The following SETD5 variants were observed in gnomAD, a reference collection of about 807,000 sequenced individuals.
The protein encoded by SETD5 is SET domain containing 5, also known as histone-lysine N-methyltransferase SETD5.
In SETD5, 44 loss-of-function variants were observed where a neutral mutation model predicts 153.3. The ratio of observed to expected loss-of-function variants is 0.29; its 90% CI spans 0.23 to 0.37. The LOEUF (loss-of-function observed/expected upper bound fraction) is 0.37, where lower values mean the gene tolerates loss of function less well. Ranked by LOEUF, SETD5 falls within the 10% of genes least tolerant of loss-of-function variation. The pLI is 1.00. For synonymous variants in SETD5, 716 were observed against 645.2 expected (o/e 1.11, Z -1.66); for missense variants, 1,544 against 1,768.0 (o/e 0.87, Z 2.27).
At chr3:9,433,537 T>G (rs2040207459) in intron 3 of SETD5, 1 of 1,294,158 alleles carries the variant, frequency 7.7e-7, no homozygotes. Context: ...GAGTGGCTTC[T>G]CTAGGGGAAA....
rs774053994 is a variant in SETD5 at position 9,476,017 on chromosome 3, A to G, written c.4255A>G (p.Ser1419Gly). Reference protein sequence around the residue: ...SNSQHYPHRGSGGVHQYRLQP... With the variant: ...SNSQHYPHRGGGGVHQYRLQP... Reference sequence around the variant, plus strand: ...TTCACAGCACTACCCACACCGTGGGAGTGGGGGTGTGCACCAGTACCGACT... The same window carrying G: ...TTCACAGCACTACCCACACCGTGGGGGTGGGGGTGTGCACCAGTACCGACT... Residue 1419 changes from serine to glycine, a missense_variant, in exon 23 of 23, where the codon AGT becomes GGT. Transcript: ENST00000402198. 4 of 1,613,718 alleles carry G rather than the reference A, an allele frequency of 2.5e-6. No individual in the cohort carries two copies. Among genetic ancestry groups the G allele is most frequent in the African/African-American group, 1.3e-5 (1 of 74,876 alleles).
At position 9,445,319 on chromosome 3, in the gene SETD5, A is replaced by C. The variant is rs779953800; in HGVS notation, c.1440+19A>C. On this transcript the variant is annotated intron_variant, in intron 12 of 22. Coordinates refer to ENST00000402198, the MANE Select transcript of SETD5 (RefSeq NM_001080517.3). ...TCATGAGGTAATCGCCCCTGGTCAA[A>C]TGATGATGCTATGGCATCAATCCTC... 3.1e-6 allele frequency: 5 copies of C among 1,593,504 alleles called. No individual in the cohort carries two copies. In the East Asian group the frequency reaches 1.1e-4, roughly 36 times the overall value.
At chr3:9,407,761 G>C (rs1310449122) in intron 1 of SETD5, among the ~76,000 whole-genome samples, 1 of 152,152 alleles carries the variant, frequency 6.6e-6, no homozygotes, top group Non-Finnish European at 1.5e-5. Context: ...AACACTTTGG[G>C]ATGCCAAGGT....
intron 17 of SETD5, among the ~76,000 whole-genome samples, chr3:9,457,027 AAAG>A (rs1278488340): frequency 6.6e-6 from 1 of 150,642 alleles, no homozygotes; most frequent in African/African-American, 2.5e-5. Flanking sequence ...AGAGAAAAGA[AAAG>A]AAGAAAGAAA....
Position 9,422,961 on chromosome 3 carries a change from T to C in SETD5, c.-176-1506T>C, listed in dbSNP as rs905042705. Among the ~76,000 whole-genome samples the C allele has an allele frequency of 3.9e-5, 6 of 152,244 alleles. No homozygotes were observed. In the East Asian group the frequency reaches 5.8e-4, roughly 15 times the overall value. ...TTCTCTTTCTGAAGCGGCACTCCTC[T>C]TCCTGCCAGTCCTCTTCACAGGATT... On this transcript the variant is annotated intron_variant, in intron 1 of 22. Transcript: ENST00000402198.
rs193276870 is a variant in SETD5, at chr3:9,404,067, A to G, written c.-177+6090A>G. Among the ~76,000 whole-genome samples, 96 of 152,326 alleles carry G rather than the reference A, an allele frequency of 6.3e-4. 1 individual carries two copies. Among genetic ancestry groups the G allele is most frequent in the African/African-American group, 2.1e-3 (89 of 41,568 alleles). On this transcript the variant is annotated intron_variant, in intron 1 of 22. Transcript: ENST00000402198. Reference sequence around the variant, plus strand: ...TAAAAGACTTTAATTTTTAGAAATAATTGGTTTGAACAGTTTTCCAAGAGC... The same window carrying G: ...TAAAAGACTTTAATTTTTAGAAATAGTTGGTTTGAACAGTTTTCCAAGAGC...
At chr3:9,439,758 A>G (rs2041042871) in intron 7 of SETD5, among the ~76,000 whole-genome samples, 2 of 152,166 alleles carry the variant, frequency 1.3e-5, no homozygotes, top group Admixed American at 6.5e-5. Context: ...GACATTTTCT[A>G]TATTCTCCCT....
Position 9,442,255 on chromosome 3 carries a change from C to T in SETD5, c.1077+10C>T, listed in dbSNP as rs756999400. 8.1e-5 allele frequency: 126 copies of T among 1,559,506 alleles called. No homozygotes were observed. The highest frequency in any genetic ancestry group is 1.0e-4 in the Non-Finnish European group (116 of 1,133,830). ...TACACCAAATGCAGAGGTAAGATAT[C>T]TGTAGCAACTTCCCTTTGACTGGAA... is the stretch of plus-strand genomic sequence containing the variant. On this transcript the variant is annotated intron_variant, in intron 10 of 22. Coordinates refer to ENST00000402198, the MANE Select transcript of SETD5 (RefSeq NM_001080517.3).
At chr3:9,428,753 A>C (rs2039619169) in intron 2 of SETD5, 70 bp from the exon 3 acceptor site, 2 of 421,002 alleles carry the variant, frequency 4.8e-6, no homozygotes, top group Non-Finnish European at 8.6e-6. Flanking sequence ...AGTAACATTT[A>C]AGATAAACTT....
chr3:9,454,600 C>T (rs1254474025), intron 17 of SETD5, among the ~76,000 whole-genome samples: 6 of 96,770 alleles, frequency 6.2e-5, no homozygotes, highest in Admixed American at 3.3e-4. Flanking sequence ...CCAGCCTGGG[C>T]GACAAGAATG....
intron 1 of SETD5, among the ~76,000 whole-genome samples, chr3:9,423,701 A>G (rs1274173410): frequency 1.3e-5 from 2 of 152,218 alleles, no homozygotes; most frequent in Non-Finnish European, 2.9e-5. Flanking sequence ...ATCAACATAA[A>G]TGAAATGCAT....
intron 18 of SETD5, among the ~76,000 whole-genome samples, chr3:9,468,800 GTGTGTGTGTGT>G (rs1200910397): frequency 6.6e-6 from 1 of 152,010 alleles, no homozygotes; most frequent in African/African-American, 2.4e-5. Flanking sequence ...GTGTGTTTGT[GTGTGTGTGTGT>G]TGTGTGTGTG....
intron 11 of SETD5, among the ~76,000 whole-genome samples, chr3:9,444,061 A>T (rs2041639087): frequency 6.6e-6 from 1 of 151,428 alleles, no homozygotes; most frequent in Admixed American, 6.6e-5. Flanking sequence ...ACTCTGTCTT[A>T]AAAAAAAAGA....
chr3:9,461,331 A>G (rs2043931711), intron 17 of SETD5, among the ~76,000 whole-genome samples: 2 of 152,212 alleles, frequency 1.3e-5, no homozygotes, highest in Admixed American at 6.5e-5. Flanking sequence ...ATTCATTGTC[A>G]TAAAATGTTG....
At chr3:9,410,943 C>T (rs1011771709) in intron 1 of SETD5, among the ~76,000 whole-genome samples, 1 of 150,310 alleles carries the variant, frequency 6.7e-6, no homozygotes, top group Non-Finnish European at 1.5e-5. Context: ...GGCTGGAGTG[C>T]AGTGGCATGA....
rs368353953 is a variant in SETD5, at chr3:9,434,347, G to C, written c.191G>C (p.Arg64Pro). 154 of 1,613,618 alleles carry C rather than the reference G, an allele frequency of 9.5e-5. 1 individual carries two copies. The highest frequency in any genetic ancestry group is 2.0e-4 in the Admixed American group (12 of 59,980). The change falls in exon 5 of 23, where the codon CGT (arginine) becomes CCT (proline). Residue 64 changes from arginine (R) to proline (P), a missense_variant. Transcript: ENST00000402198. The surrounding 1 kb of genome is among the most constrained non-coding windows in gnomAD (Gnocchi z 5.6). ...RGLPYATIIP[R>P]SDLNGLPSPV... ...CCCCCTGTCCAGACGATCATCCCTC[G>C]TTCTGACCTGAATGGCCTGCCGTCG...
intron 14 of SETD5, 132 bp from the exon 15 acceptor site, chr3:9,447,554 G>C (rs2042160838): frequency 4.4e-6 from 5 of 1,140,118 alleles, no homozygotes; most frequent in Non-Finnish European, 6.1e-6. Context: ...TTAAAAATTA[G>C]ATTTTAAATT....
chr3:9,448,305 C>G, intron 15 of SETD5, 83 bp from the exon 16 acceptor site: 1 of 1,527,166 alleles, frequency 6.5e-7, no homozygotes, highest in South Asian at 1.3e-5. Context: ...CTCCTCCTGT[C>G]CTAGTTTCTA....
rs2041761697 is a variant in SETD5 at position 9,444,969 on chromosome 3, A to G, written c.1188-79A>G. On this transcript the variant is annotated intron_variant, in intron 11 of 22. Coordinates refer to ENST00000402198, the MANE Select transcript of SETD5 (RefSeq NM_001080517.3). ...TATCAGAGGAAGTTACTGTACTGAT[A>G]TTTTAAGAGGGTGAATGGATAATGT... The G allele has an allele frequency of 4.6e-6, 7 of 1,533,510 alleles. No individual in the cohort carries two copies. The South Asian group carries it at 7.7e-5, about 17-fold the overall frequency. The allele number at this position is 1,533,510 out of a possible 1,614,324, so 95.0% of individuals were successfully genotyped here.
Sources: allele counts gnomAD v4.1 joint callset (sites outside exome capture counted in the v4.1 genomes callset), GRCh38; gene constraint gnomAD v4.1.1; non-coding constraint Gnocchi (gnomAD v3.1); transcripts MANE v1.5; gene names NCBI Gene and HGNC (gene_info 2026-07-23, HGNC 2026-07-21).